DEPTOR: variants seen among roughly 807,000 people sequenced by gnomAD.
DEPTOR encodes the protein DEP domain containing MTOR interacting protein.
Under a neutral mutation model 41.6 loss-of-function variants are expected in DEPTOR, and 41 were observed. The ratio of observed to expected loss-of-function variants is 0.98; its 90% CI spans 0.77 to 1.28. The LOEUF (loss-of-function observed/expected upper bound fraction) is 1.28, where lower values mean the gene tolerates loss of function less well. Ranked by LOEUF, DEPTOR falls within the 50% of genes most tolerant of loss-of-function variation. The pLI is 0.00. For synonymous variants in DEPTOR, 195 were observed against 192.3 expected, an observed-to-expected ratio of 1.01 and a Z score of -0.12; for missense variants, 514 against 527.9, an observed-to-expected ratio of 0.97 and a Z score of 0.26.
At chr8:119,933,641 T>C (rs1417128296) in intron 3 of DEPTOR, among the ~76,000 whole-genome samples, 2 of 152,146 alleles carry the variant, frequency 1.3e-5, no homozygotes, top group Non-Finnish European at 2.9e-5. Context: ...ATTTAAGTAA[T>C]TTATATGTGA....
At chr8:120,048,493 C>G (rs1467151411) in intron 8 of DEPTOR, among the ~76,000 whole-genome samples, 1 of 152,100 alleles carries the variant, frequency 6.6e-6, no homozygotes, top group Non-Finnish European at 1.5e-5. Flanking sequence ...TACCCTGAAT[C>G]CATGAAGACA....
intron 1 of DEPTOR, 70 bp from the exon 2 acceptor site, chr8:119,928,330 T>A: frequency 2.7e-6 from 4 of 1,500,788 alleles, no homozygotes; most frequent in Non-Finnish European, 2.7e-6. Context: ...ATGTTATTAC[T>A]GTCTGGGATT....
chr8:120,019,230 A>G (rs1039261641), intron 8 of DEPTOR, among the ~76,000 whole-genome samples: 2 of 152,158 alleles, frequency 1.3e-5, no homozygotes, highest in African/African-American at 4.8e-5. Context: ...ACTTGAACCC[A>G]GGAGGAGGAG....
intron 8 of DEPTOR, among the ~76,000 whole-genome samples, chr8:120,012,378 T>C (rs773692185): frequency 1.3e-5 from 2 of 152,216 alleles, no homozygotes; most frequent in Non-Finnish European, 2.9e-5. Flanking sequence ...ATAAACACTG[T>C]ACAGCATGTT....
chr8:120,009,976 G>A (rs1812504947), intron 8 of DEPTOR, among the ~76,000 whole-genome samples: 1 of 152,136 alleles, frequency 6.6e-6, no homozygotes, highest in African/African-American at 2.4e-5. Context: ...TCTATGCAAG[G>A]TGTATTCCTG....
rs760207105 is a variant in DEPTOR, at chr8:119,928,559, CCGGGG to C, written c.284_288del (p.Arg95HisfsTer7). On this transcript the variant is annotated frameshift_variant, in exon 2 of 9. Transcript: ENST00000286234. LOFTEE classifies it high-confidence loss of function. ...TTAAACTCATGCAGAAATTAGCAGACCGGGGCATTATTCACCATGGTGAGTGCGGT... is the reference window on the plus strand; with the variant it reads ...TTAAACTCATGCAGAAATTAGCAGACCATTATTCACCATGGTGAGTGCGGT... 2.6e-5 allele frequency: 42 copies of C among 1,613,902 alleles called. No homozygotes were observed. Among genetic ancestry groups the C allele is most frequent in the Non-Finnish European group, 3.6e-5 (42 of 1,179,984 alleles).
intron 8 of DEPTOR, among the ~76,000 whole-genome samples, chr8:120,014,550 C>CA (rs1812581468): frequency 1.3e-5 from 2 of 151,714 alleles, no homozygotes; most frequent in Admixed American, 6.6e-5. Flanking sequence ...TTTTTTTAGA[C>CA]AGAGTCTCAC....
intron 4 of DEPTOR, among the ~76,000 whole-genome samples, chr8:119,968,726 T>G (rs1828595219): frequency 6.6e-6 from 1 of 152,176 alleles, no homozygotes. Context: ...CTGAGGCCAC[T>G]CAGGTAGTAA....
chr8:119,931,017 G>C, intron 3 of DEPTOR, among the ~76,000 whole-genome samples: 1 of 152,086 alleles, frequency 6.6e-6, no homozygotes, highest in Non-Finnish European at 1.5e-5. Flanking sequence ...TTGGAAACCA[G>C]CCTGGCCAAC....
At chr8:119,904,662 A>T (rs771728367) in intron 1 of DEPTOR, among the ~76,000 whole-genome samples, 4 of 150,912 alleles carry the variant, frequency 2.7e-5, no homozygotes, top group Admixed American at 6.6e-5. Flanking sequence ...TGCCCAGCTA[A>T]TTTTTGTATT....
chr8:120,047,391 G>A lies in DEPTOR; in HGVS notation c.1102-2185G>A, dbSNP rs572961231. 2.6e-5 allele frequency among the ~76,000 whole-genome samples: 4 copies of A among 151,718 alleles called. No homozygotes were observed. The East Asian group carries it at 5.9e-4, about 22-fold the overall frequency. ...TTTTTTACTTTTATTTTTTGAAATGGAGTTTCACTGTTGTTGCCCAGGCTG... is the reference window on the plus strand; with the variant it reads ...TTTTTTACTTTTATTTTTTGAAATGAAGTTTCACTGTTGTTGCCCAGGCTG... On this transcript the variant is annotated intron_variant, in intron 8 of 8. Coordinates refer to ENST00000286234, the MANE Select transcript of DEPTOR (RefSeq NM_022783.4).
At chr8:119,940,677 T>C (rs1165128663) in intron 3 of DEPTOR, among the ~76,000 whole-genome samples, 4 of 151,792 alleles carry the variant, frequency 2.6e-5, no homozygotes, top group African/African-American at 9.7e-5. Context: ...ACCCGGGAGG[T>C]TGCAGTGAGC....
intron 3 of DEPTOR, among the ~76,000 whole-genome samples, chr8:119,941,373 CAA>C (rs749120675): frequency 7.5e-5 from 3 of 39,958 alleles, no homozygotes; most frequent in Admixed American, 3.2e-4. Flanking sequence ...ATCTCCATCT[CAA>C]AAAAAAAAAA....
At chr8:120,005,861 G>A (rs1266001170) in intron 6 of DEPTOR, among the ~76,000 whole-genome samples, 1 of 152,004 alleles carries the variant, frequency 6.6e-6, no homozygotes, top group Non-Finnish European at 1.5e-5. Flanking sequence ...GGTGTCTCAG[G>A]AGGACAGCAT....
At chr8:120,038,284 G>A (rs1182163182) in intron 8 of DEPTOR, among the ~76,000 whole-genome samples, 3 of 103,210 alleles carry the variant, frequency 2.9e-5, no homozygotes, top group South Asian at 6.7e-4. Context: ...AAAAAAAAAA[G>A]AAGAAGAAGA....
intron 3 of DEPTOR, among the ~76,000 whole-genome samples, chr8:119,945,720 G>A (rs1269274661): frequency 1.3e-5 from 2 of 152,236 alleles, no homozygotes; most frequent in African/African-American, 4.8e-5. Context: ...ATCTGGAAGA[G>A]AGACTAAAAC....
chr8:119,967,260 A>G (rs1221388215), intron 4 of DEPTOR, among the ~76,000 whole-genome samples: 3 of 150,530 alleles, frequency 2.0e-5, no homozygotes, highest in Admixed American at 6.6e-5. Flanking sequence ...TGTATTTTTT[A>G]GTAGAGATGG....
chr8:120,031,653 AAC>A (rs1243209899), intron 8 of DEPTOR, among the ~76,000 whole-genome samples: 1 of 151,930 alleles, frequency 6.6e-6, no homozygotes, highest in East Asian at 1.9e-4. Flanking sequence ...ACATCTCATC[AAC>A]ACAGTGATGC....
intron 1 of DEPTOR, among the ~76,000 whole-genome samples, chr8:119,926,791 T>G (rs1177591913): frequency 6.6e-6 from 1 of 152,202 alleles, no homozygotes; most frequent in African/African-American, 2.4e-5. Context: ...TAGTATGACT[T>G]GACTCTTAAG....
Sources: allele counts gnomAD v4.1 joint callset (sites outside exome capture counted in the v4.1 genomes callset), GRCh38; gene constraint gnomAD v4.1.1; transcripts MANE v1.5; gene names NCBI Gene and HGNC (gene_info 2026-07-23, HGNC 2026-07-21).